Variants in MACF1 observed in about 807,000 individuals in gnomAD.
MACF1 encodes the protein microtubule actin crosslinking factor 1, also known as microtubule-actin cross-linking factor 1.
MACF1 carries 193 observed loss-of-function variants against 854.8 expected under a neutral mutation model. The ratio of observed to expected loss-of-function variants is 0.23; its 90% CI spans 0.20 to 0.25. The LOEUF is 0.25. Among genes scored for constraint, MACF1 ranks in the 10% least tolerant of loss-of-function variants. The probability of loss-of-function intolerance (pLI) is 1.00; values close to 1 mark genes in which losing one functional copy is unlikely to be tolerated. For synonymous variants in MACF1, 3,185 were observed against 3,226.7 expected, an observed-to-expected ratio of 0.99 and a Z score of 0.44; for missense variants, 7,722 against 8,929.1, an observed-to-expected ratio of 0.86 and a Z score of 5.45.
chr1:39,085,095 A>G (rs1379340112), intron 2 of MACF1, among the ~76,000 whole-genome samples: 1 of 152,178 alleles, frequency 6.6e-6, no homozygotes, highest in African/African-American at 2.4e-5. Flanking sequence ...TTATGAGTGT[A>G]AGCTTTGGAA....
At chr1:39,103,907 G>A (rs1356811014) in intron 2 of MACF1, among the ~76,000 whole-genome samples, 2 of 152,186 alleles carry the variant, frequency 1.3e-5, no homozygotes, top group Non-Finnish European at 2.9e-5. Context: ...AGCGAAAAGC[G>A]TCATTTGTTT....
At chr1:39,264,595 C>T (rs1362857091) in intron 6 of MACF1, among the ~76,000 whole-genome samples, 1 of 150,966 alleles carries the variant, frequency 6.6e-6, no homozygotes, top group Non-Finnish European at 1.5e-5. Flanking sequence ...ATGCCCATTT[C>T]TCAGATAAGG....
At position 39,333,274 on chromosome 1, in the gene MACF1, T is replaced by C. The variant is rs41270805; in HGVS notation, c.6686T>C (p.Met2229Thr). The C allele has an allele frequency of 9.2e-3, 14,892 of 1,613,986 alleles. 85 individuals are homozygous for C. The highest frequency in any genetic ancestry group is 0.012 in the Non-Finnish European group (13,581 of 1,179,992). Residue 2229 changes from methionine (M) to threonine (T), a missense_variant, in exon 37 of 101, where the codon ATG becomes ACG. Coordinates refer to ENST00000564288, the MANE Select transcript of MACF1 (RefSeq NM_001394062.1). ...GTTCATCCTCTGGACAAAAAGGAAA[T>C]GTTAAAGAAAACATTTCTGGCTAAG... The part of the protein sequence containing the change: ...GNVHPLDKKE[M>T]LKKTFLAKDD...
At chr1:39,116,734 T>C (rs767185062) in intron 2 of MACF1, among the ~76,000 whole-genome samples, 1 of 152,174 alleles carries the variant, frequency 6.6e-6, no homozygotes, top group Non-Finnish European at 1.5e-5. Flanking sequence ...AATTCTTAAG[T>C]TTTTGTTGAG....
chr1:39,349,990 A>C lies in MACF1; in HGVS notation c.10965+363A>C, dbSNP rs112948781. Among the ~76,000 whole-genome samples, 789 of 152,306 alleles carry C rather than the reference A, an allele frequency of 5.2e-3. 6 individuals carry two copies. The highest frequency in any genetic ancestry group is 0.018 in the African/African-American group (729 of 41,566). ...GCTCAAGGGTTAGCAATAATGGTAAACAGACATCATCCCTGGCCTTGTGAA... is the reference window on the plus strand; with the variant it reads ...GCTCAAGGGTTAGCAATAATGGTAACCAGACATCATCCCTGGCCTTGTGAA... On this transcript the variant is annotated intron_variant, in intron 42 of 100. Coordinates refer to ENST00000564288, the MANE Select transcript of MACF1 (RefSeq NM_001394062.1).
chr1:39,435,471 A>G, intron 69 of MACF1, 87 bp from the exon 70 acceptor site: 2 of 1,119,650 alleles, frequency 1.8e-6, no homozygotes, highest in Non-Finnish European at 1.3e-6. Flanking sequence ...TGTTCCTCTT[A>G]AAGTTGATAT....
At chr1:39,459,731 CA>C in intron 91 of MACF1, 2 of 822,594 alleles carry the variant, frequency 2.4e-6, no homozygotes, top group Non-Finnish European at 3.5e-6. Context: ...TGTCATTACC[CA>C]GTATAAAAAA....
intron 2 of MACF1, among the ~76,000 whole-genome samples, chr1:39,110,477 A>G (rs1480028258): frequency 1.3e-5 from 2 of 151,994 alleles, no homozygotes; most frequent in African/African-American, 4.8e-5. Context: ...GCCTCAAGTG[A>G]TCATCCTGCC....
intron 6 of MACF1, among the ~76,000 whole-genome samples, chr1:39,276,751 T>C (rs1645445494): frequency 6.6e-6 from 1 of 152,220 alleles, no homozygotes; most frequent in Non-Finnish European, 1.5e-5. Flanking sequence ...TCATGTGACC[T>C]ACCATAGATA....
chr1:39,248,613 T>G (rs1020107518), intron 2 of MACF1, among the ~76,000 whole-genome samples: 3 of 152,094 alleles, frequency 2.0e-5, no homozygotes, highest in Non-Finnish European at 1.5e-5. Context: ...AAAATTATAG[T>G]AACTAAAATT....
In MACF1 at chr1:39,119,241, C is replaced by T. The variant is rs112956286; in HGVS notation, c.220+34803C>T. ...CTGAGGCAGGAGAATCGCTTGAACC[C>T]GGGAGGCGGAGGTTGCGGTGAGCCG... On this transcript the variant is annotated intron_variant, in intron 2 of 93. Coordinates refer to the MACF1 transcript ENST00000361689. 5.4e-3 allele frequency among the ~76,000 whole-genome samples: 780 copies of T among 144,570 alleles called. 5 individuals carry two copies. The highest frequency in any genetic ancestry group is 0.018 in the African/African-American group (718 of 39,304). The allele number at this position is 144,570 out of a possible 152,430, so 94.8% of individuals were successfully genotyped here. A position where few individuals can be genotyped will look rare whatever the true frequency, so the allele number is the denominator to read the frequency against.
intron 99 of MACF1, among the ~76,000 whole-genome samples, chr1:39,481,596 G>GC (rs1314617521): frequency 6.6e-6 from 1 of 152,198 alleles, no homozygotes; most frequent in Non-Finnish European, 1.5e-5. Context: ...GAATTTCTTG[G>GC]CCTAGGCACT....
At chr1:39,168,739 A>G (rs908501577) in intron 2 of MACF1, among the ~76,000 whole-genome samples, 2 of 152,186 alleles carry the variant, frequency 1.3e-5, no homozygotes, top group African/African-American at 4.8e-5. Flanking sequence ...AATATCTTCC[A>G]TATAAAATTA....
At chr1:39,392,933 T>C (rs1569860519) in intron 58 of MACF1, among the ~76,000 whole-genome samples, 1 of 151,952 alleles carries the variant, frequency 6.6e-6, no homozygotes, top group Non-Finnish European at 1.5e-5. Flanking sequence ...AGCTCTCTGT[T>C]GGAAGTAGAA....
chr1:39,169,065 A>C (rs2148218479), intron 2 of MACF1, among the ~76,000 whole-genome samples: 1 of 152,254 alleles, frequency 6.6e-6, no homozygotes, highest in Admixed American at 6.5e-5. Context: ...TCTCTTCATC[A>C]ACCCCATTTT....
At position 39,333,913 on chromosome 1, in the gene MACF1, T is replaced by G. The variant is rs774641863; in HGVS notation, c.7325T>G (p.Leu2442Arg). Residue 2442 changes from leucine (L) to arginine (R), a missense_variant, in exon 37 of 101, where the codon CTG (leucine) becomes CGG (arginine). Leu to Arg is a moderately radical substitution (Grantham distance 102). Coordinates refer to ENST00000564288, the MANE Select transcript of MACF1 (RefSeq NM_001394062.1). ...GCTGACCAGCCAGAACTTATAAATC[T>G]GGAGAAAGCTTCCAAAGGTAGAGAT... ...DVADQPELINLEKASKGRDAE... is the reference protein window; with the variant it reads ...DVADQPELINREKASKGRDAE... 10 of 1,614,058 alleles carry G rather than the reference T, an allele frequency of 6.2e-6. No homozygotes were observed. The highest frequency in any genetic ancestry group is 8.5e-7 in the Non-Finnish European group (1 of 1,180,044).
intron 2 of MACF1, among the ~76,000 whole-genome samples, chr1:39,165,420 C>T (rs1643872377): frequency 6.6e-6 from 1 of 152,180 alleles, no homozygotes; most frequent in Non-Finnish European, 1.5e-5. Context: ...ACTTTTTAGG[C>T]TTACTGCATG....
At chr1:39,367,485 C>T (rs1648829665) in intron 49 of MACF1, among the ~76,000 whole-genome samples, 1 of 152,092 alleles carries the variant, frequency 6.6e-6, no homozygotes, top group South Asian at 2.1e-4. Context: ...AGGCGTGAGC[C>T]ACTGGGCCTG....
intron 2 of MACF1, among the ~76,000 whole-genome samples, chr1:39,140,986 T>C (rs182622900): frequency 6.7e-6 from 1 of 150,152 alleles, no homozygotes; most frequent in Admixed American, 6.6e-5. Context: ...AATTAACTAA[T>C]TTAATCCTTA....
Sources: allele counts gnomAD v4.1 joint callset (sites outside exome capture counted in the v4.1 genomes callset), GRCh38; gene constraint gnomAD v4.1.1; transcripts MANE v1.5; gene names NCBI Gene and HGNC (gene_info 2026-07-23, HGNC 2026-07-21).